Variants in SLC45A4 observed in about 807,000 individuals in gnomAD.
The protein encoded by SLC45A4 is solute carrier family 45 member 4, also known as polyamine-transporter SLC45A4.
A neutral mutation model predicts 63.7 loss-of-function variants in SLC45A4; 32 were observed. The ratio of observed to expected loss-of-function variants is 0.50; its 90% confidence interval spans 0.38 to 0.67. SLC45A4 has a LOEUF of 0.67. SLC45A4 is among the 30% of genes least tolerant of loss of function. The probability of loss-of-function intolerance (pLI) is 0.00; values close to 1 mark genes in which losing one functional copy is unlikely to be tolerated. For synonymous variants in SLC45A4, 535 were observed against 510.0 expected, an observed-to-expected ratio of 1.05 and a Z score of -0.66; for missense variants, 1,027 against 1,157.7, an observed-to-expected ratio of 0.89 and a Z score of 1.64.
intron 1 of SLC45A4, chr8:141,292,971 C>T (rs978225136): frequency 6.6e-6 from 1 of 152,254 alleles, no homozygotes; most frequent in Non-Finnish European, 1.5e-5. Context: ...AAGGGGCCTA[C>T]ATACCCCCTA....
intron 1 of SLC45A4, among the ~76,000 whole-genome samples, chr8:141,293,879 G>C (rs1027339896): frequency 2.0e-5 from 3 of 150,844 alleles, no homozygotes; most frequent in African/African-American, 7.3e-5. Flanking sequence ...GTTGCAGTGA[G>C]CCGAGATAGT....
intron 1 of SLC45A4, among the ~76,000 whole-genome samples, chr8:141,255,933 C>T (rs73366416): frequency 0.051 from 7,729 of 151,968 alleles, 672 homozygotes; most frequent in African/African-American, 0.17. Context: ...AAAAAATGTA[C>T]GCATGTGCCA....
intron 4 of SLC45A4, among the ~76,000 whole-genome samples, 180 bp downstream of exon 4, chr8:141,219,470 T>A (rs563991286): frequency 6.6e-6 from 1 of 152,258 alleles, no homozygotes; most frequent in East Asian, 1.9e-4. Context: ...GGCCCCACTG[T>A]GCTTGGTGGT....
At chr8:141,239,005 A>G (rs1827767297) in intron 2 of SLC45A4, among the ~76,000 whole-genome samples, 1 of 152,154 alleles carries the variant, frequency 6.6e-6, no homozygotes, top group African/African-American at 2.4e-5. Flanking sequence ...TATAGGGAGG[A>G]AAGAACCATC....
chr8:141,297,102 A>G (rs10092931), intron 1 of SLC45A4, among the ~76,000 whole-genome samples: 33,047 of 152,186 alleles, frequency 0.22, 4,058 homozygotes, highest in East Asian at 0.35. Flanking sequence ...ACACTGAACC[A>G]GAAACACCAG....
chr8:141,216,036 C>T, intron 6 of SLC45A4, 66 bp from the exon 7 acceptor site: 1 of 1,412,456 alleles, frequency 7.1e-7, no homozygotes, highest in Non-Finnish European at 9.7e-7. Flanking sequence ...GCTCCCTCCA[C>T]CATCCCTCCC....
At chr8:141,271,397 G>T (rs892343687) in intron 1 of SLC45A4, among the ~76,000 whole-genome samples, 5 of 152,220 alleles carry the variant, frequency 3.3e-5, no homozygotes, top group Non-Finnish European at 5.9e-5. Context: ...AACAGCTGTG[G>T]GATCCTACCA....
rs139210403 is a variant in SLC45A4 at position 141,271,448 on chromosome 8, A to G, written c.-400-16819T>C. ...TGTGGGGCAGGGCACATGGCTGGCG[A>G]CTGGCTCAGATGCCCAAGAACCACG... On this transcript the variant is annotated intron_variant, in intron 1 of 8. Coordinates refer to ENST00000517878, the MANE Select transcript of SLC45A4 (RefSeq NM_001286646.2). 9.8e-4 allele frequency among the ~76,000 whole-genome samples: 150 copies of G among 152,354 alleles called. 1 individual carries two copies. Among genetic ancestry groups the G allele is most frequent in the African/African-American group, 3.2e-3 (133 of 41,588 alleles).
At chr8:141,233,614 G>A (rs1022216016) in intron 2 of SLC45A4, among the ~76,000 whole-genome samples, 1 of 152,214 alleles carries the variant, frequency 6.6e-6, no homozygotes, top group South Asian at 2.1e-4. Flanking sequence ...TTGAACCCGG[G>A]AGGCAGAGGT....
At position 141,227,645 on chromosome 8, in the gene SLC45A4, G is replaced by A. The variant is rs1232409792; in HGVS notation, c.242-5880C>T. On this transcript the variant is annotated intron_variant, in intron 2 of 8. Transcript: ENST00000517878. This position sits in a 1 kb window ranked among gnomAD's most constrained non-coding sequence, Gnocchi z 4.4. ...GGGCTCGGGCCACCTGCTTGCAAGA[G>A]GGGAAGGGCCACTGGCACTGGGCCC... 6.6e-6 allele frequency among the ~76,000 whole-genome samples: 1 copy of A among 152,192 alleles called. No homozygotes were observed. The highest frequency in any genetic ancestry group is 1.9e-4 in the East Asian group (1 of 5,174).
chr8:141,253,070 TGCGA>T (rs1485333708), intron 2 of SLC45A4: 51 of 165,006 alleles, frequency 3.1e-4, no homozygotes, highest in Middle Eastern at 2.7e-3. Flanking sequence ...CACGCCCACC[TGCGA>T]GTGTCTGTGA....
chr8:141,250,510 C>A (rs758819084), intron 2 of SLC45A4, among the ~76,000 whole-genome samples: 3 of 152,084 alleles, frequency 2.0e-5, no homozygotes, highest in Non-Finnish European at 4.4e-5. Flanking sequence ...CTCAGCCTCC[C>A]AAATAGCTGT....
At chr8:141,282,440 A>C (rs1415444991) in intron 1 of SLC45A4, among the ~76,000 whole-genome samples, 1 of 152,150 alleles carries the variant, frequency 6.6e-6, no homozygotes, top group Admixed American at 6.5e-5. Flanking sequence ...CGCCTCCACC[A>C]AACTGCACTT....
intron 1 of SLC45A4, among the ~76,000 whole-genome samples, chr8:141,263,590 C>T (rs1239657997): frequency 6.7e-6 from 1 of 150,282 alleles, no homozygotes; most frequent in Non-Finnish European, 1.5e-5. Context: ...TGGTGAAACC[C>T]CATCTCTACT....
At chr8:141,265,147 T>C (rs1829211500) in intron 1 of SLC45A4, among the ~76,000 whole-genome samples, 1 of 152,162 alleles carries the variant, frequency 6.6e-6, no homozygotes, top group Non-Finnish European at 1.5e-5. Context: ...TATGGACACA[T>C]GTTTGGATGT....
chr8:141,291,997 T>A (rs1199429318), intron 1 of SLC45A4, among the ~76,000 whole-genome samples: 1 of 152,200 alleles, frequency 6.6e-6, no homozygotes, highest in African/African-American at 2.4e-5. Flanking sequence ...GATTCTGGGG[T>A]CTGGCCACCG....
chr8:141,215,641 G>C lies in SLC45A4; in HGVS notation c.1941+118C>G. ...GAAGGGGCCATCTCAGAACCGGAGA[G>C]GAAGGAGGGCCATCTGTGTCGTGAA... On this transcript the variant is annotated intron_variant, in intron 7 of 8. Coordinates refer to ENST00000517878, the MANE Select transcript of SLC45A4 (RefSeq NM_001286646.2). This position sits in a 1 kb window ranked among gnomAD's most constrained non-coding sequence, Gnocchi z 4.3. 1 of 1,023,744 alleles carries C rather than the reference G, an allele frequency of 9.8e-7. No homozygotes were observed. The highest frequency in any genetic ancestry group is 1.6e-5 in the African/African-American group (1 of 63,196). 63.4% of individuals were successfully genotyped at this position (1,023,744 alleles called of 1,614,324 possible).
At chr8:141,280,949 C>A (rs570533717) in intron 1 of SLC45A4, among the ~76,000 whole-genome samples, 1 of 152,392 alleles carries the variant, frequency 6.6e-6, no homozygotes, top group East Asian at 1.9e-4. Flanking sequence ...AGGCTGCCTT[C>A]TCCTGCACAT....
chr8:141,288,366 G>A (rs117634108), intron 1 of SLC45A4, among the ~76,000 whole-genome samples: 104 of 152,332 alleles, frequency 6.8e-4, no homozygotes, highest in Admixed American at 1.6e-3. Flanking sequence ...TCAAGCTCAC[G>A]TCCAGTAAGA....
Sources: gnomAD v4.1 joint callset for allele counts (sites outside exome capture counted in the v4.1 genomes callset) on GRCh38, gnomAD v4.1.1 for gene constraint, Gnocchi (gnomAD v3.1) non-coding constraint, MANE v1.5 for transcripts, NCBI Gene and HGNC (gene_info 2026-07-23, HGNC 2026-07-21) for gene names.